CLRN1: variants seen among roughly 807,000 people sequenced by gnomAD.
The protein encoded by CLRN1 is clarin-1.
Under a neutral mutation model 18.7 loss-of-function variants are expected in CLRN1, and 15 were observed. The ratio of observed to expected loss-of-function variants is 0.80; its 90% CI spans 0.54 to 1.23. The LOEUF is 1.23. Ranked by LOEUF, CLRN1 falls within the 50% of genes most tolerant of loss-of-function variation. The pLI is 0.00. For missense variants in CLRN1, 311 were observed against 277.5 expected, an observed-to-expected ratio of 1.12 and a Z score of -0.86; for synonymous variants, 104 against 102.9, an observed-to-expected ratio of 1.01 and a Z score of -0.07.
rs397517930 is a variant in CLRN1 at position 150,972,567 on chromosome 3, T to C, written c.142A>G (p.Asn48Asp). The C allele has an allele frequency of 2.2e-5, 36 of 1,614,100 alleles. No homozygotes were observed. Among genetic ancestry groups the C allele is most frequent in the Non-Finnish European group, 2.7e-5 (32 of 1,180,038 alleles). ...VLCKTGALLV[N>D]ASGQELDKFM... ...TTGTCCAGCTCCTGCCCTGAGGCAT[T>C]GACGAGCAGAGCTCCCGTTTTGCAG... The change falls in exon 1 of 3, where the codon AAT (asparagine) becomes GAT (aspartate). Residue 48 changes from asparagine (N) to aspartate (D), a missense_variant. Coordinates refer to ENST00000327047, the MANE Select transcript of CLRN1 (RefSeq NM_174878.3).
intron 1 of CLRN1, among the ~76,000 whole-genome samples, chr3:150,944,754 C>CAA (rs778124504): frequency 1.7e-5 from 2 of 120,964 alleles, no homozygotes; most frequent in Admixed American, 8.4e-5. Context: ...GAATCCGTCT[C>CAA]AAAAAAAAAA....
At chr3:150,957,461 G>A (rs758052783) in intron 1 of CLRN1, among the ~76,000 whole-genome samples, 1 of 152,122 alleles carries the variant, frequency 6.6e-6, no homozygotes, top group Non-Finnish European at 1.5e-5. Context: ...TGTTCTGGCT[G>A]TAATATTCAA....
intron 1 of CLRN1, chr3:150,943,948 G>A: frequency 6.3e-7 from 1 of 1,589,130 alleles, no homozygotes; most frequent in Non-Finnish European, 8.6e-7. Flanking sequence ...TGAGTAAATG[G>A]GGTACCCCTG....
At chr3:150,954,439 G>GTT (rs755110721) in intron 1 of CLRN1, among the ~76,000 whole-genome samples, 6 of 152,164 alleles carry the variant, frequency 3.9e-5, no homozygotes, top group Non-Finnish European at 8.8e-5. Flanking sequence ...TCGATGATGT[G>GTT]TTTGTATCTT....
chr3:150,943,784 C>A, intron 1 of CLRN1: 1 of 1,613,788 alleles, frequency 6.2e-7, no homozygotes, highest in Non-Finnish European at 8.5e-7. Flanking sequence ...CATTGTAACA[C>A]ACCCTCTGGG....
chr3:150,948,251 G>A (rs905913376), intron 1 of CLRN1, among the ~76,000 whole-genome samples: 4 of 152,184 alleles, frequency 2.6e-5, no homozygotes, highest in South Asian at 2.1e-4. Flanking sequence ...TTGGGAGGCC[G>A]AGGCGGGCGG....
At position 150,941,450 on chromosome 3, in the gene CLRN1, T is replaced by C. The variant is rs370723974; in HGVS notation, c.433+132A>G. On this transcript the variant is annotated intron_variant, in intron 2 of 2. Transcript: ENST00000327047. Reference sequence around the variant, plus strand: ...AGCAAGTGTGGTATTTCCACACTTTTTGTTATTATGTATAATACTACAGTG... The same window carrying C: ...AGCAAGTGTGGTATTTCCACACTTTCTGTTATTATGTATAATACTACAGTG... 533 of 926,638 alleles carry C rather than the reference T, an allele frequency of 5.8e-4. 1 individual carries two copies. The South Asian group carries it at 6.2e-3, about 11-fold the overall frequency. 57.4% of individuals were successfully genotyped at this position (926,638 alleles called of 1,614,324 possible). A position where few individuals can be genotyped will look rare whatever the true frequency, so the allele number is the denominator to read the frequency against.
intron 1 of CLRN1, among the ~76,000 whole-genome samples, chr3:150,967,103 A>T (rs1050788448): frequency 6.6e-6 from 1 of 152,186 alleles, no homozygotes; most frequent in Non-Finnish European, 1.5e-5. Flanking sequence ...GTGTCAGTTT[A>T]CCAAACGTTT....
At chr3:150,955,294 G>A (rs964017621) in intron 1 of CLRN1, among the ~76,000 whole-genome samples, 1 of 152,168 alleles carries the variant, frequency 6.6e-6, no homozygotes, top group Non-Finnish European at 1.5e-5. Context: ...TGATGGGTGT[G>A]TTCTATATCT....
intron 1 of CLRN1, among the ~76,000 whole-genome samples, chr3:150,951,338 AATATATAT>A (rs35977749): frequency 1.3e-5 from 2 of 151,260 alleles, no homozygotes; most frequent in African/African-American, 4.9e-5. Flanking sequence ...GAGTCTGGGT[AATATATAT>A]ATATTTTTTG....
intron 2 of CLRN1, 77 bp from the exon 3 acceptor site, chr3:150,928,278 C>T (rs774892621): frequency 3.3e-6 from 5 of 1,536,946 alleles, no homozygotes; most frequent in African/African-American, 1.4e-5. Context: ...AATGTGTAAA[C>T]CAAGGAATTC....
At chr3:150,972,318 T>A in intron 1 of CLRN1, 138 bp downstream of exon 1, 1 of 1,029,992 alleles carries the variant, frequency 9.7e-7, no homozygotes, top group Admixed American at 2.4e-5. Flanking sequence ...TTGCTCAGAG[T>A]CATAGGTTTT....
At chr3:150,942,400 G>A (rs997982594) in intron 1 of CLRN1, among the ~76,000 whole-genome samples, 6 of 152,156 alleles carry the variant, frequency 3.9e-5, no homozygotes, top group Admixed American at 2.0e-4. Context: ...CAGAGAAAGC[G>A]AAACCCTACA....
At position 150,941,588 on chromosome 3, in the gene CLRN1, T is replaced by C; in HGVS notation, c.427A>G (p.Ile143Val). Residue 143 changes from isoleucine (I) to valine (V), a missense_variant, in exon 2 of 3, where the codon ATT becomes GTT. By Grantham distance (29) the Ile-to-Val change is conservative (BLOSUM62 3). Coordinates refer to ENST00000327047, the MANE Select transcript of CLRN1 (RefSeq NM_174878.3). ...GPLGLYLLSF[I>V]SGSCGCLVMI... ...GGTAGAATTTTGTACTTACCTGAAA[T>C]GAAGCTCAAAAGGTACAGCCCTAGG... 6.2e-7 allele frequency: 1 copy of C among 1,614,022 alleles called. No homozygotes were observed. Among genetic ancestry groups the C allele is most frequent in the Non-Finnish European group, 8.5e-7 (1 of 1,179,902 alleles).
intron 1 of CLRN1, among the ~76,000 whole-genome samples, chr3:150,956,383 C>G (rs1261807267): frequency 2.0e-5 from 3 of 152,046 alleles, no homozygotes; most frequent in Admixed American, 2.0e-4. Context: ...GATTCCCTCT[C>G]CATGAAGTCT....
chr3:150,938,268 C>G (rs1559981127), intron 2 of CLRN1, among the ~76,000 whole-genome samples: 1 of 152,152 alleles, frequency 6.6e-6, no homozygotes, highest in Non-Finnish European at 1.5e-5. Flanking sequence ...TCTGGGGTCT[C>G]TTAATGGAAT....
intron 1 of CLRN1, among the ~76,000 whole-genome samples, chr3:150,963,333 A>C (rs889578994): frequency 1.4e-4 from 22 of 152,214 alleles, no homozygotes; most frequent in African/African-American, 5.3e-4. Flanking sequence ...AAGAGAACAA[A>C]ATACCTAGGA....
chr3:150,948,609 A>C (rs537399181), intron 1 of CLRN1, among the ~76,000 whole-genome samples: 4 of 152,118 alleles, frequency 2.6e-5, no homozygotes, highest in African/African-American at 4.8e-5. Flanking sequence ...GAAAACCTAG[A>C]AGAGCTAAAT....
intron 2 of CLRN1, 32 bp downstream of exon 2, chr3:150,941,550 A>G: frequency 6.2e-7 from 1 of 1,609,380 alleles, no homozygotes; most frequent in Non-Finnish European, 8.5e-7. Context: ...TGAAAAGCAC[A>G]TTTGTCTTCA....
Sources: gnomAD v4.1 joint callset for allele counts (sites outside exome capture counted in the v4.1 genomes callset) on GRCh38, gnomAD v4.1.1 for gene constraint, MANE v1.5 for transcripts, NCBI Gene and HGNC (gene_info 2026-07-23, HGNC 2026-07-21) for gene names.